RASAL2: variants seen among roughly 807,000 people sequenced by gnomAD.
RASAL2 encodes the protein RAS protein activator like 2, also known as ras GTPase-activating protein nGAP.
A neutral mutation model predicts 128.9 loss-of-function variants in RASAL2; 58 were observed. The observed-to-expected ratio is 0.45, with a 90% confidence interval of 0.36 to 0.56. The LOEUF (loss-of-function observed/expected upper bound fraction) is 0.56. Ranked by LOEUF, RASAL2 falls within the 20% of genes least tolerant of loss-of-function variation. The pLI is 0.00. For synonymous variants in RASAL2, 561 were observed against 580.8 expected (o/e 0.97, Z 0.49); for missense variants, 1,360 against 1,601.6 (o/e 0.85, Z 2.57).
intron 1 of RASAL2, among the ~76,000 whole-genome samples, chr1:178,218,279 C>T (rs1663493840): frequency 6.6e-6 from 1 of 152,188 alleles, no homozygotes; most frequent in Non-Finnish European, 1.5e-5. Context: ...CATTAATCTA[C>T]TTGTGTATCT....
At chr1:178,096,961 CTT>C (rs1432220315) in intron 1 of RASAL2, among the ~76,000 whole-genome samples, 2 of 152,128 alleles carry the variant, frequency 1.3e-5, no homozygotes. Context: ...GAAGTAAAAA[CTT>C]TGAAATAAAA....
chr1:178,154,608 A>G (rs1020300834), intron 1 of RASAL2, among the ~76,000 whole-genome samples: 1 of 152,234 alleles, frequency 6.6e-6, no homozygotes, highest in East Asian at 1.9e-4. Context: ...TGGGTGAAAA[A>G]TGATATTAAA....
rs577965001 is a variant in RASAL2, at chr1:178,476,752, C to A, written c.*3513C>A. ...TTTTCAGATCTTAGTCTACCCGGGGCCTTTGTTGATGGGTCTGTGGTTCTG... is the reference window on the plus strand; with the variant it reads ...TTTTCAGATCTTAGTCTACCCGGGGACTTTGTTGATGGGTCTGTGGTTCTG... On this transcript the variant is annotated 3_prime_UTR_variant, in exon 18 of 18. Transcript: ENST00000367649. The A allele has an allele frequency of 3.9e-5, 6 of 152,058 alleles. No homozygotes were observed. Among genetic ancestry groups the A allele is most frequent in the African/African-American group, 1.2e-4 (5 of 41,374 alleles). The allele number at this position is 152,058 out of a possible 1,614,324, so 9.4% of individuals were successfully genotyped here.
intron 1 of RASAL2, among the ~76,000 whole-genome samples, chr1:178,254,795 A>G (rs1034646057): frequency 2.0e-5 from 3 of 152,228 alleles, no homozygotes; most frequent in Non-Finnish European, 4.4e-5. Context: ...TTATTGAAAA[A>G]CAATAAGCTG....
At chr1:178,372,702 T>C (rs1671782968) in intron 3 of RASAL2, among the ~76,000 whole-genome samples, 1 of 152,178 alleles carries the variant, frequency 6.6e-6, no homozygotes, top group Non-Finnish European at 1.5e-5. Context: ...GAGTAGGCTT[T>C]GTGTGCATGA....
At chr1:178,343,888 G>T (rs1214779296) in intron 3 of RASAL2, among the ~76,000 whole-genome samples, 1 of 151,926 alleles carries the variant, frequency 6.6e-6, no homozygotes, top group Non-Finnish European at 1.5e-5. Context: ...CATGTAGATA[G>T]TTGTGGGATT....
At chr1:178,451,871 GTCCCGTC>G in intron 10 of RASAL2, among the ~76,000 whole-genome samples, 156 bp downstream of exon 10, 1 of 152,110 alleles carries the variant, frequency 6.6e-6, no homozygotes, top group Non-Finnish European at 1.5e-5. Context: ...CCCTAATACA[GTCCCGTC>G]TAAAATTGAA....
intron 5 of RASAL2, among the ~76,000 whole-genome samples, chr1:178,428,276 C>T (rs1675655742): frequency 6.6e-6 from 1 of 151,800 alleles, no homozygotes; most frequent in Admixed American, 6.6e-5. Context: ...ACGTGTTTTC[C>T]CTTCTATGGG....
intron 1 of RASAL2, among the ~76,000 whole-genome samples, chr1:178,168,729 T>C (rs1185662074): frequency 6.6e-6 from 1 of 152,114 alleles, no homozygotes; most frequent in Non-Finnish European, 1.5e-5. Flanking sequence ...TGGGACTGTC[T>C]GCACCATCAC....
chr1:178,182,271 G>A (rs116410711), intron 1 of RASAL2, among the ~76,000 whole-genome samples: 2 of 152,074 alleles, frequency 1.3e-5, no homozygotes, highest in African/African-American at 4.8e-5. Flanking sequence ...TTGTACCTTT[G>A]TTTGAATATA....
At chr1:178,381,973 A>G (rs1393310516) in intron 3 of RASAL2, among the ~76,000 whole-genome samples, 3 of 152,204 alleles carry the variant, frequency 2.0e-5, no homozygotes, top group Non-Finnish European at 2.9e-5. Flanking sequence ...TACATTATAA[A>G]TAATTGGACT....
chr1:178,420,512 G>A lies in RASAL2; in HGVS notation c.566G>A (p.Gly189Glu). 6.2e-7 allele frequency: 1 copy of A among 1,603,874 alleles called. No homozygotes were observed. The highest frequency in any genetic ancestry group is 8.5e-7 in the Non-Finnish European group (1 of 1,172,998). ...ATCACCTTCTGCCTTTCCTTCTAGGGATTCTTCAGCAAGCGCCTGAAAGGC... is the reference window on the plus strand; with the variant it reads ...ATCACCTTCTGCCTTTCCTTCTAGGAATTCTTCAGCAAGCGCCTGAAAGGC... Reference protein sequence around the residue: ...TANTSPFKVPGFFSKRLKGSI... With the variant: ...TANTSPFKVPEFFSKRLKGSI... The change falls in exon 5 of 18, where the codon GGA becomes GAA. Residue 189 changes from glycine (G) to glutamate (E), a missense_variant and splice_region_variant. By Grantham distance (98) the Gly-to-Glu change is moderately conservative. Transcript: ENST00000367649.
intron 3 of RASAL2, among the ~76,000 whole-genome samples, chr1:178,312,108 C>T (rs909114129): frequency 6.6e-6 from 1 of 151,766 alleles, no homozygotes; most frequent in Non-Finnish European, 1.5e-5. Flanking sequence ...AGTTGAATAT[C>T]AAAACAACAA....
At chr1:178,229,716 A>G (rs1238335317) in intron 1 of RASAL2, among the ~76,000 whole-genome samples, 2 of 152,168 alleles carry the variant, frequency 1.3e-5, no homozygotes, top group South Asian at 2.1e-4. Context: ...CAAGCCAATA[A>G]TACACAGAAA....
intron 1 of RASAL2, among the ~76,000 whole-genome samples, chr1:178,181,670 G>T (rs562290055): frequency 6.6e-6 from 1 of 151,998 alleles, no homozygotes; most frequent in South Asian, 2.1e-4. Flanking sequence ...ATCCATCTTG[G>T]CATCTTGGCT....
intron 1 of RASAL2, among the ~76,000 whole-genome samples, chr1:178,238,424 A>G (rs1362861220): frequency 1.3e-5 from 2 of 152,158 alleles, no homozygotes; most frequent in Non-Finnish European, 2.9e-5. Flanking sequence ...TCGCCTGGGC[A>G]TTTACCCTTG....
chr1:178,292,109 T>C (rs1423289436), intron 2 of RASAL2, among the ~76,000 whole-genome samples: 2 of 152,054 alleles, frequency 1.3e-5, no homozygotes, highest in African/African-American at 4.8e-5. Context: ...TTGAATAATT[T>C]AGAATTTCTT....
chr1:178,221,640 A>G (rs1663616795), intron 1 of RASAL2, among the ~76,000 whole-genome samples: 1 of 152,130 alleles, frequency 6.6e-6, no homozygotes, highest in African/African-American at 2.4e-5. Flanking sequence ...TATGATTTCT[A>G]TTTTAAATTT....
At chr1:178,158,971 T>C (rs1163094234) in intron 1 of RASAL2, among the ~76,000 whole-genome samples, 5 of 152,200 alleles carry the variant, frequency 3.3e-5, no homozygotes, top group African/African-American at 4.8e-5. Flanking sequence ...ATGCTCAGGC[T>C]TAACTCCAGA....
Sources: gnomAD v4.1 joint callset for allele counts (sites outside exome capture counted in the v4.1 genomes callset) on GRCh38, gnomAD v4.1.1 for gene constraint, MANE v1.5 for transcripts, NCBI Gene and HGNC (gene_info 2026-07-23, HGNC 2026-07-21) for gene names.